ZNF804A: variants seen among roughly 807,000 people sequenced by gnomAD.
The protein encoded by ZNF804A is zinc finger protein 804A.
ZNF804A carries 2 observed loss-of-function variants against 16.5 expected under a neutral mutation model. That is an observed-to-expected ratio of 0.12 (90% CI 0.05 to 0.38). ZNF804A has a LOEUF of 0.38. ZNF804A is among the 10% of genes least tolerant of loss of function. ZNF804A has a pLI of 0.99. For missense variants in ZNF804A, 1,473 were observed against 1,390.7 expected (o/e 1.06, Z -0.94); for synonymous variants, 534 against 489.6 (o/e 1.09, Z -1.20).
At chr2:184,622,027 C>A (rs1417442449) in intron 1 of ZNF804A, among the ~76,000 whole-genome samples, 2 of 151,674 alleles carry the variant, frequency 1.3e-5, no homozygotes, top group African/African-American at 4.8e-5. Flanking sequence ...CATTTCCAGG[C>A]ATTTTATTTG....
chr2:184,861,526 T>C (rs550802613), intron 1 of ZNF804A, among the ~76,000 whole-genome samples: 1 of 152,280 alleles, frequency 6.6e-6, no homozygotes, highest in Admixed American at 6.5e-5. Flanking sequence ...ATGTCATGTA[T>C]TTGTTATTTG....
chr2:184,773,208 C>A (rs141877082), intron 1 of ZNF804A, among the ~76,000 whole-genome samples: 131 of 151,188 alleles, frequency 8.7e-4, no homozygotes, highest in African/African-American at 3.0e-3. Flanking sequence ...AGAAAAATAC[C>A]ATTACTAATA....
At chr2:184,866,880 A>G (rs1695884868) in intron 2 of ZNF804A, among the ~76,000 whole-genome samples, 1 of 150,344 alleles carries the variant, frequency 6.7e-6, no homozygotes, top group Admixed American at 6.7e-5. Flanking sequence ...TATTTATTGC[A>G]TGTTATTTAT....
At chr2:184,634,798 T>C (rs1691668736) in intron 1 of ZNF804A, among the ~76,000 whole-genome samples, 1 of 152,206 alleles carries the variant, frequency 6.6e-6, no homozygotes, top group Admixed American at 6.5e-5. Context: ...TGCGTTGTTT[T>C]GAGCCACTAA....
chr2:184,905,415 T>A (rs1685255478), intron 2 of ZNF804A, among the ~76,000 whole-genome samples: 1 of 152,166 alleles, frequency 6.6e-6, no homozygotes, highest in East Asian at 1.9e-4. Context: ...CATTTTTTTT[T>A]AGATCTGGCA....
chr2:184,806,535 T>G (rs1479425269), intron 1 of ZNF804A, among the ~76,000 whole-genome samples: 1 of 151,826 alleles, frequency 6.6e-6, no homozygotes, highest in Non-Finnish European at 1.5e-5. Context: ...AAGAAATATT[T>G]TTTCAAGCCA....
chr2:184,754,131 C>T (rs942345899), intron 1 of ZNF804A, among the ~76,000 whole-genome samples: 3 of 151,500 alleles, frequency 2.0e-5, no homozygotes, highest in Non-Finnish European at 2.9e-5. Flanking sequence ...TAAGAATGTC[C>T]CCAGGCTCAT....
At chr2:184,883,552 G>T (rs1304997354) in intron 2 of ZNF804A, among the ~76,000 whole-genome samples, 1 of 151,500 alleles carries the variant, frequency 6.6e-6, no homozygotes, top group African/African-American at 2.4e-5. Context: ...TTGAATAGAT[G>T]CAAAAATAAG....
intron 1 of ZNF804A, among the ~76,000 whole-genome samples, chr2:184,822,799 A>G (rs1695103611): frequency 6.6e-6 from 1 of 152,184 alleles, no homozygotes; most frequent in Admixed American, 6.6e-5. Context: ...ATACAAATGT[A>G]TACATTGTTG....
intron 1 of ZNF804A, among the ~76,000 whole-genome samples, chr2:184,660,366 C>T (rs1337320970): frequency 1.3e-5 from 2 of 152,162 alleles, no homozygotes; most frequent in East Asian, 3.9e-4. Context: ...ATCTCTCTGC[C>T]TGTTCATTTG....
intron 1 of ZNF804A, among the ~76,000 whole-genome samples, chr2:184,677,249 C>T (rs949206011): frequency 1.3e-5 from 2 of 151,846 alleles, no homozygotes; most frequent in African/African-American, 2.4e-5. Flanking sequence ...ATCAACAATA[C>T]AATTTTTTTC....
chr2:184,914,928 CT>C (rs1317783809), intron 2 of ZNF804A, among the ~76,000 whole-genome samples: 3 of 151,544 alleles, frequency 2.0e-5, no homozygotes, highest in Non-Finnish European at 4.4e-5. Flanking sequence ...TGTTGATTTA[CT>C]TGTGAATGTT....
At chr2:184,918,110 T>C (rs188566610) in intron 2 of ZNF804A, among the ~76,000 whole-genome samples, 4 of 152,276 alleles carry the variant, frequency 2.6e-5, no homozygotes, top group Middle Eastern at 3.4e-3. Flanking sequence ...TGGGATGTCC[T>C]GTATTCCAGA....
At chr2:184,638,753 G>A (rs1216478431) in intron 1 of ZNF804A, among the ~76,000 whole-genome samples, 1 of 151,996 alleles carries the variant, frequency 6.6e-6, no homozygotes, top group Non-Finnish European at 1.5e-5. Context: ...AAAAAAGAAT[G>A]CATGTTTCAA....
At chr2:184,708,325 A>T in intron 1 of ZNF804A, among the ~76,000 whole-genome samples, 1 of 152,106 alleles carries the variant, frequency 6.6e-6, no homozygotes, top group East Asian at 1.9e-4. Flanking sequence ...ACAAAAAAAG[A>T]GCCTGAATAG....
intron 2 of ZNF804A, among the ~76,000 whole-genome samples, chr2:184,869,814 G>T (rs1354153289): frequency 6.6e-6 from 1 of 151,990 alleles, no homozygotes; most frequent in Non-Finnish European, 1.5e-5. Flanking sequence ...TGTTATGACA[G>T]AATATGTGTT....
At chr2:184,778,673 G>A (rs1011725803) in intron 1 of ZNF804A, among the ~76,000 whole-genome samples, 1 of 151,624 alleles carries the variant, frequency 6.6e-6, no homozygotes, top group African/African-American at 2.4e-5. Flanking sequence ...CTTTTCCAAA[G>A]CAACACCAGG....
Position 184,841,594 on chromosome 2 carries a change from T to C in ZNF804A, c.112-24775T>C, listed in dbSNP as rs576744376. ...ATATTTGTATAGTCTTATATAAATG[T>C]TACTATTTAATGTATCACCTTCTTA... On this transcript the variant is annotated intron_variant, in intron 1 of 3. Transcript: ENST00000302277. Among the ~76,000 whole-genome samples, 27 of 152,294 alleles carry C rather than the reference T, an allele frequency of 1.8e-4. 1 individual carries two copies. In the South Asian group the frequency reaches 4.3e-3, roughly 25 times the overall value.
At chr2:184,740,726 C>G (rs1025984578) in intron 1 of ZNF804A, among the ~76,000 whole-genome samples, 5 of 152,018 alleles carry the variant, frequency 3.3e-5, no homozygotes, top group Non-Finnish European at 7.4e-5. Flanking sequence ...TTATTTCTAA[C>G]TTTTTGAATT....
Sources: gnomAD v4.1 joint callset for allele counts (sites outside exome capture counted in the v4.1 genomes callset) on GRCh38, gnomAD v4.1.1 for gene constraint, MANE v1.5 for transcripts, NCBI Gene and HGNC (gene_info 2026-07-23, HGNC 2026-07-21) for gene names.